The following DISC1 variants were observed in gnomAD, a reference collection of about 807,000 sequenced individuals.
DISC1 encodes disrupted in schizophrenia 1 protein.
Under a neutral mutation model 84.5 loss-of-function variants are expected in DISC1, and 57 were observed. The observed-to-expected ratio is 0.67, with a 90% CI of 0.55 to 0.84. The LOEUF is 0.84. Ranked by LOEUF, DISC1 falls within the 40% of genes least tolerant of loss-of-function variation. DISC1 has a pLI of 0.00. For synonymous variants in DISC1, 411 were observed against 415.2 expected (o/e 0.99, Z 0.12); for missense variants, 1,000 against 1,057.8 (o/e 0.95, Z 0.76).
rs1294054881 is a variant in DISC1, at chr1:231,896,531, T to A, written c.1982-62297T>A. Among the ~76,000 whole-genome samples, 4 of 152,202 alleles carry A rather than the reference T, an allele frequency of 2.6e-5. No homozygotes were observed. In the East Asian group the frequency reaches 7.7e-4, roughly 29 times the overall value. ...CTGTTCTCCCTTCTTCTAAAAATTG[T>A]GGTGTTTCATCTTTCTGATGCTCTT... On this transcript the variant is annotated intron_variant, in intron 9 of 12. Coordinates refer to ENST00000439617, the MANE Select transcript of DISC1 (RefSeq NM_018662.3).
chr1:231,978,479 G>A (rs1278245201), intron 10 of DISC1, among the ~76,000 whole-genome samples: 1 of 152,158 alleles, frequency 6.6e-6, no homozygotes, highest in African/African-American at 2.4e-5. Context: ...AAGAAAGACA[G>A]GAGAAATGTC....
intron 10 of DISC1, among the ~76,000 whole-genome samples, chr1:232,004,879 CCCTCCCTT>C (rs1469690391): frequency 0.011 from 1,228 of 113,246 alleles, 36 homozygotes; most frequent in African/African-American, 0.038. Flanking sequence ...CTCCCTCCCT[CCCTCCCTT>C]CCTTCCTTCC....
At chr1:231,665,141 C>T (rs1432108993) in intron 1 of DISC1, among the ~76,000 whole-genome samples, 1 of 152,150 alleles carries the variant, frequency 6.6e-6, no homozygotes, top group Non-Finnish European at 1.5e-5. Flanking sequence ...ACATAAGGTA[C>T]TGTGGTAATA....
At chr1:231,763,105 A>T (rs1269665409) in intron 4 of DISC1, among the ~76,000 whole-genome samples, 1 of 151,896 alleles carries the variant, frequency 6.6e-6, no homozygotes. Context: ...AAGGCAGGGG[A>T]GATGGAAGTT....
In DISC1 at chr1:231,926,315, G is replaced by T. The variant is rs77138651; in HGVS notation, c.1982-32513G>T. On this transcript the variant is annotated intron_variant, in intron 9 of 12. Coordinates refer to ENST00000439617, the MANE Select transcript of DISC1 (RefSeq NM_018662.3). ...TCTACAGTTCAAAACCCTATCAAAA[G>T]TGGGTTTACGTAAAAAAAACTAGTG... is the stretch of plus-strand genomic sequence containing the variant. Among the ~76,000 whole-genome samples the T allele has an allele frequency of 6.4e-3, 971 of 152,226 alleles. 8 individuals are homozygous for T. The highest frequency in any genetic ancestry group is 0.022 in the African/African-American group (897 of 41,550).
At chr1:232,023,625 A>G (rs942002028) in intron 11 of DISC1, among the ~76,000 whole-genome samples, 1 of 152,194 alleles carries the variant, frequency 6.6e-6, no homozygotes, top group African/African-American at 2.4e-5. Flanking sequence ...CAGGAATTAT[A>G]TGTTTGGGGG....
At chr1:231,882,448 G>A (rs1193028072) in intron 9 of DISC1, among the ~76,000 whole-genome samples, 1 of 152,182 alleles carries the variant, frequency 6.6e-6, no homozygotes, top group African/African-American at 2.4e-5. Context: ...GAGAAAATGT[G>A]TTTGATTTTT....
At chr1:231,882,468 A>G (rs983461701) in intron 9 of DISC1, among the ~76,000 whole-genome samples, 2 of 152,082 alleles carry the variant, frequency 1.3e-5, no homozygotes, top group Admixed American at 1.3e-4. Flanking sequence ...TCTGTCCCAC[A>G]CCTCAGCAGT....
chr1:232,037,064 C>A lies in DISC1; in HGVS notation c.*233C>A, dbSNP rs987602259. The stretch of plus-strand genomic sequence containing the variant: ...GCTGAATTTCCTTCTAAATGTCACT[C>A]AAAAATTTCTTTTCCATGTCATTCT... On this transcript the variant is annotated 3_prime_UTR_variant, in exon 13 of 13. Transcript: ENST00000439617. 2 of 361,086 alleles carry A rather than the reference C, an allele frequency of 5.5e-6. No individual in the cohort carries two copies. Among genetic ancestry groups the A allele is most frequent in the Non-Finnish European group, 9.6e-6 (2 of 208,004 alleles). The allele number at this position is 361,086 out of a possible 1,614,324, so 22.4% of individuals were successfully genotyped here. A position where few individuals can be genotyped will look rare whatever the true frequency, so the allele number is the denominator to read the frequency against.
At chr1:231,689,749 G>A (rs1192546406) in intron 1 of DISC1, among the ~76,000 whole-genome samples, 1 of 152,200 alleles carries the variant, frequency 6.6e-6, no homozygotes, top group African/African-American at 2.4e-5. Context: ...AACTAGGATT[G>A]TTTTAGGAAT....
At chr1:231,973,194 G>A (rs1369346091) in intron 10 of DISC1, among the ~76,000 whole-genome samples, 1 of 151,972 alleles carries the variant, frequency 6.6e-6, no homozygotes, top group Non-Finnish European at 1.5e-5. Context: ...CTACAGGCGT[G>A]CGCCACCACG....
chr1:231,835,341 C>A (rs977343437), intron 9 of DISC1, among the ~76,000 whole-genome samples: 2 of 151,636 alleles, frequency 1.3e-5, no homozygotes, highest in African/African-American at 2.4e-5. Flanking sequence ...AGAGAGTCAG[C>A]GAAGGGAGAT....
intron 10 of DISC1, 131 bp downstream of exon 10, chr1:231,959,019 A>G: frequency 6.9e-7 from 1 of 1,447,150 alleles, no homozygotes. Context: ...GACACAAAAA[A>G]GCCTTTTGAA....
intron 3 of DISC1, among the ~76,000 whole-genome samples, chr1:231,747,188 C>A (rs567200135): frequency 1.1e-4 from 16 of 152,318 alleles, no homozygotes; most frequent in African/African-American, 3.4e-4. Context: ...CGTTTAGCCT[C>A]CCAAAGTGCT....
intron 9 of DISC1, among the ~76,000 whole-genome samples, chr1:231,943,273 A>G (rs12126719): frequency 0.19 from 29,441 of 152,308 alleles, 3,749 homozygotes; most frequent in East Asian, 0.71. Context: ...GGGCTGGGAC[A>G]TGCCATGCTA....
Position 231,906,970 on chromosome 1 carries a change from CTCTTTCTTT to C in DISC1, c.1982-51839_1982-51831del, listed in dbSNP as rs200728816. Among the ~76,000 whole-genome samples, 1,069 of 142,552 alleles carry C rather than the reference CTCTTTCTTT, an allele frequency of 7.5e-3. 13 individuals are homozygous for C. The highest frequency in any genetic ancestry group is 0.021 in the African/African-American group (819 of 38,818). 93.5% of individuals were successfully genotyped at this position (142,552 alleles called of 152,430 possible). A position where few individuals can be genotyped will look rare whatever the true frequency, so the allele number is the denominator to read the frequency against. The stretch of plus-strand genomic sequence containing the variant: ...TTTTCTTTCTTTGCTTTCTTTCTTT[CTCTTTCTTT>C]TCTTTCTTTTCTTTCTTTCTTTCTC... On this transcript the variant is annotated intron_variant, in intron 9 of 12. Coordinates refer to ENST00000439617, the MANE Select transcript of DISC1 (RefSeq NM_018662.3).
intron 10 of DISC1, among the ~76,000 whole-genome samples, chr1:231,996,266 G>A (rs1312708682): frequency 1.3e-5 from 2 of 152,054 alleles, no homozygotes; most frequent in Non-Finnish European, 2.9e-5. Flanking sequence ...AGTAGGTTGC[G>A]AAAATTTTCT....
chr1:231,762,989 C>G (rs774190241), intron 4 of DISC1, among the ~76,000 whole-genome samples: 6 of 152,186 alleles, frequency 3.9e-5, no homozygotes, highest in African/African-American at 1.4e-4. Flanking sequence ...AACCAAGACC[C>G]AAAGCGTGGC....
chr1:231,909,432 G>T (rs146593535), intron 9 of DISC1, among the ~76,000 whole-genome samples: 1 of 152,160 alleles, frequency 6.6e-6, no homozygotes, highest in African/African-American at 2.4e-5. Context: ...AGATAATCAC[G>T]TGGTTTTTCT....
Sources: allele counts gnomAD v4.1 joint callset (sites outside exome capture counted in the v4.1 genomes callset), GRCh38; gene constraint gnomAD v4.1.1; transcripts MANE v1.5; gene names NCBI Gene and HGNC (gene_info 2026-07-23, HGNC 2026-07-21).